Variants in CAMK1D observed in about 807,000 individuals in gnomAD.
The protein encoded by CAMK1D is calcium/calmodulin dependent protein kinase ID.
Under a neutral mutation model 47.7 loss-of-function variants are expected in CAMK1D, and 9 were observed. The observed-to-expected ratio is 0.19, with a 90% CI of 0.11 to 0.33. The LOEUF (loss-of-function observed/expected upper bound fraction) is 0.33. Among genes scored for constraint, CAMK1D ranks in the 10% least tolerant of loss-of-function variants. The pLI, the probability that CAMK1D is intolerant of heterozygous loss-of-function variation, is 1.00. For missense variants in CAMK1D, 291 were observed against 488.7 expected (o/e 0.60, Z 3.81); for synonymous variants, 184 against 184.9 (o/e 0.99, Z 0.04).
At chr10:12,387,418 T>TTATATATTTTATATATTATATATATTA (rs1838551350) in intron 1 of CAMK1D, among the ~76,000 whole-genome samples, 1 of 37,984 alleles carries the variant, frequency 2.6e-5, no homozygotes, top group Non-Finnish European at 5.7e-5. Flanking sequence ...TATATATATT[T>TTATATATTTTATATATTATATATATTA]TATATATTTT....
At chr10:12,470,816 C>G (rs560705242) in intron 1 of CAMK1D, among the ~76,000 whole-genome samples, 7 of 152,290 alleles carry the variant, frequency 4.6e-5, no homozygotes, top group African/African-American at 1.2e-4. Flanking sequence ...CTTGCCCGGT[C>G]GTGTGTGGTT....
chr10:12,638,582 C>T (rs753486697), intron 2 of CAMK1D, among the ~76,000 whole-genome samples: 6 of 152,144 alleles, frequency 3.9e-5, no homozygotes, highest in Non-Finnish European at 7.4e-5. Flanking sequence ...TGGCCAGCCT[C>T]CCCCTTTGTG....
chr10:12,503,038 GT>G (rs1350309939), intron 1 of CAMK1D, among the ~76,000 whole-genome samples: 5 of 152,236 alleles, frequency 3.3e-5, no homozygotes, highest in Non-Finnish European at 5.9e-5. Context: ...GTGTGTGTGT[GT>G]GCATGTGTGT....
intron 8 of CAMK1D, among the ~76,000 whole-genome samples, chr10:12,816,872 CAAAAAAAAAAAAAA>C (rs71386122): frequency 0.016 from 895 of 57,454 alleles, 27 homozygotes; most frequent in African/African-American, 0.048. Context: ...AACTCTGTCT[CAAAAAAAAAAAAAA>C]AAAAAAAAAA....
At chr10:12,705,103 C>T (rs1833679798) in intron 3 of CAMK1D, among the ~76,000 whole-genome samples, 1 of 152,152 alleles carries the variant, frequency 6.6e-6, no homozygotes, top group Non-Finnish European at 1.5e-5. Context: ...TGACCCATCA[C>T]TGGATACTGA....
intron 5 of CAMK1D, 59 bp downstream of exon 5, chr10:12,769,858 T>A: frequency 6.3e-7 from 1 of 1,580,142 alleles, no homozygotes; most frequent in Non-Finnish European, 8.7e-7. Context: ...TCATGTGTGG[T>A]GTCACCACGT....
chr10:12,807,399 G>A (rs980152297), intron 6 of CAMK1D, among the ~76,000 whole-genome samples: 17 of 152,204 alleles, frequency 1.1e-4, no homozygotes, highest in South Asian at 4.1e-4. Context: ...CTCTCCTCCC[G>A]GCCCATGCTC....
At chr10:12,439,707 T>A (rs1256858377) in intron 1 of CAMK1D, among the ~76,000 whole-genome samples, 1 of 152,236 alleles carries the variant, frequency 6.6e-6, no homozygotes, top group Non-Finnish European at 1.5e-5. Context: ...GAGATTTTGT[T>A]TTTCTAAATA....
chr10:12,734,659 A>C (rs1204892130), intron 3 of CAMK1D, among the ~76,000 whole-genome samples: 1 of 151,544 alleles, frequency 6.6e-6, no homozygotes, highest in Non-Finnish European at 1.5e-5. Flanking sequence ...TGTGTTTGTG[A>C]CCTGCTTCCA....
intron 1 of CAMK1D, among the ~76,000 whole-genome samples, chr10:12,537,198 A>G (rs530554419): frequency 6.6e-6 from 1 of 152,132 alleles, no homozygotes; most frequent in African/African-American, 2.4e-5. Context: ...CAACCTCCCA[A>G]GTAGCTGGGA....
intron 3 of CAMK1D, among the ~76,000 whole-genome samples, chr10:12,676,246 G>A (rs961053375): frequency 6.6e-6 from 1 of 152,136 alleles, no homozygotes; most frequent in East Asian, 1.9e-4. Context: ...TAGCCACCAC[G>A]CCCAGCCAGA....
intron 10 of CAMK1D, among the ~76,000 whole-genome samples, chr10:12,828,021 T>C (rs1833318903): frequency 6.6e-6 from 1 of 152,110 alleles, no homozygotes; most frequent in Admixed American, 6.6e-5. Flanking sequence ...TAGCCAAGAG[T>C]GTACACAACA....
intron 2 of CAMK1D, among the ~76,000 whole-genome samples, chr10:12,609,897 A>C (rs551799250): frequency 6.6e-6 from 1 of 152,146 alleles, no homozygotes; most frequent in Non-Finnish European, 1.5e-5. Context: ...GCTCTCAAAC[A>C]TCCTGGAGAG....
chr10:12,764,398 A>AAAAAAAAC (rs1554822757), intron 4 of CAMK1D, among the ~76,000 whole-genome samples: 28 of 151,286 alleles, frequency 1.9e-4, no homozygotes, highest in African/African-American at 6.3e-4. Flanking sequence ...AAAAAAAAAA[A>AAAAAAAAC]CATTGATCTA....
At chr10:12,474,924 C>A (rs973518813) in intron 1 of CAMK1D, among the ~76,000 whole-genome samples, 1 of 151,706 alleles carries the variant, frequency 6.6e-6, no homozygotes, top group African/African-American at 2.4e-5. Flanking sequence ...CTGCAAAGGA[C>A]ATGATCTTGT....
chr10:12,589,116 C>G (rs1287843972), intron 2 of CAMK1D, among the ~76,000 whole-genome samples: 2 of 152,118 alleles, frequency 1.3e-5, no homozygotes, highest in African/African-American at 4.8e-5. Flanking sequence ...ATCCTCCTGT[C>G]TCCCAGGCTC....
intron 2 of CAMK1D, among the ~76,000 whole-genome samples, chr10:12,637,584 G>C (rs1217134903): frequency 6.8e-6 from 1 of 148,034 alleles, no homozygotes; most frequent in Non-Finnish European, 1.5e-5. Flanking sequence ...AATTCCTGGT[G>C]GTAGTGCTAC....
Position 12,541,797 on chromosome 10 carries a change from G to A in CAMK1D, c.93-11428G>A, listed in dbSNP as rs142684089. 1.1e-4 allele frequency among the ~76,000 whole-genome samples: 17 copies of A among 151,246 alleles called. No homozygotes were observed. The East Asian group carries it at 2.8e-3, about 25-fold the overall frequency. ...AAAGGCACCTGTCTGTTTCCTAGACGGTCTCAAGCCAAGTACCACTGACTT... is the reference window on the plus strand; with the variant it reads ...AAAGGCACCTGTCTGTTTCCTAGACAGTCTCAAGCCAAGTACCACTGACTT... On this transcript the variant is annotated intron_variant, in intron 1 of 10. Transcript: ENST00000619168.
intron 1 of CAMK1D, among the ~76,000 whole-genome samples, chr10:12,514,035 C>T (rs895289674): frequency 6.6e-6 from 1 of 152,202 alleles, no homozygotes; most frequent in Non-Finnish European, 1.5e-5. Flanking sequence ...CATCTGCACA[C>T]AGGCATTTGT....
Sources: gnomAD v4.1 joint callset for allele counts (sites outside exome capture counted in the v4.1 genomes callset) on GRCh38, gnomAD v4.1.1 for gene constraint, MANE v1.5 for transcripts, NCBI Gene and HGNC (gene_info 2026-07-23, HGNC 2026-07-21) for gene names.